The following COL6A6 variants were observed in gnomAD, a reference collection of about 807,000 sequenced individuals.
COL6A6 encodes collagen type VI alpha 6 chain.
In COL6A6, 183 loss-of-function variants were observed where a neutral mutation model predicts 208.6. That is an observed-to-expected ratio of 0.88 (90% CI 0.78 to 0.99). The LOEUF (loss-of-function observed/expected upper bound fraction) is 0.99, where lower values mean the gene tolerates loss of function less well. Ranked by LOEUF, COL6A6 falls within the 50% of genes least tolerant of loss-of-function variation. The pLI is 0.00. For synonymous variants in COL6A6, 973 were observed against 1,011.8 expected, an observed-to-expected ratio of 0.96 and a Z score of 0.73; for missense variants, 2,816 against 2,815.2, an observed-to-expected ratio of 1.00 and a Z score of -0.01.
intron 11 of COL6A6, among the ~76,000 whole-genome samples, chr3:130,588,550 T>G (rs2063595148): frequency 6.6e-6 from 1 of 152,172 alleles, no homozygotes; most frequent in Non-Finnish European, 1.5e-5. Flanking sequence ...ATTGCACGTG[T>G]AAGTTGTGTT....
In COL6A6 at chr3:130,574,090, C is replaced by T. The variant is rs777444690; in HGVS notation, c.3112C>T (p.Arg1038Ter). 2.0e-5 allele frequency: 32 copies of T among 1,613,714 alleles called. No homozygotes were observed. Among genetic ancestry groups the T allele is most frequent in the Non-Finnish European group, 2.7e-5 (32 of 1,179,854 alleles). The change falls in exon 8 of 37, where the codon CGA becomes TGA. Residue 1038 changes from arginine (R) to a stop codon, truncating the protein, a stop_gained. Transcript: ENST00000358511. LOFTEE classifies it high-confidence loss of function. ...QDFDVSLNRV[R>*]IGAAQFSDTY... Reference sequence around the variant, plus strand: ...CTTTGATGTCAGCCTCAACAGAGTGCGAATAGGAGCGGCCCAGTTTAGCGA... The same window carrying T: ...CTTTGATGTCAGCCTCAACAGAGTGTGAATAGGAGCGGCCCAGTTTAGCGA...
At chr3:130,569,823 T>C (rs925440372) in intron 6 of COL6A6, among the ~76,000 whole-genome samples, 8 of 152,338 alleles carry the variant, frequency 5.3e-5, no homozygotes, top group Admixed American at 2.6e-4. Flanking sequence ...TTGATGGCCC[T>C]GTACACATGG....
At position 130,673,342 on chromosome 3, in the gene COL6A6, T is replaced by C. The variant is rs181044777; in HGVS notation, c.6597-1860T>C. Among the ~76,000 whole-genome samples the C allele has an allele frequency of 5.2e-3, 784 of 151,908 alleles. 10 individuals are homozygous for C. Among genetic ancestry groups the C allele is most frequent in the African/African-American group, 0.018 (740 of 41,426 alleles). ...AAAATATTTGAGAGGGGAAAAAATA[T>C]AGCAATATCATGCTATATAAGCACT... On this transcript the variant is annotated intron_variant, in intron 36 of 36. Coordinates refer to ENST00000358511, the MANE Select transcript of COL6A6 (RefSeq NM_001102608.3).
rs1298299514 is a variant in COL6A6, at chr3:130,675,272, A to C, written c.6667A>C (p.Lys2223Gln). 7 of 1,586,206 alleles carry C rather than the reference A, an allele frequency of 4.4e-6. No homozygotes were observed. The highest frequency in any genetic ancestry group is 6.0e-6 in the Non-Finnish European group (7 of 1,164,894). ...ACAGAAGGCAAAATTCTTTCAAGAT[A>C]AAAAATATCTTTCAAGAGTAGCAAG... ...VLQKAKFFQD[K>Q]KYLSRVARSG... The change falls in exon 37 of 37, where the codon AAA becomes CAA. Residue 2223 changes from lysine to glutamine, a missense_variant. Physicochemically the swap from Lys to Gln is moderately conservative, Grantham distance 53. Coordinates refer to ENST00000358511, the MANE Select transcript of COL6A6 (RefSeq NM_001102608.3).
chr3:130,661,590 C>T lies in COL6A6; in HGVS notation c.5831-47C>T, dbSNP rs79090533. On this transcript the variant is annotated intron_variant, in intron 34 of 36. Coordinates refer to ENST00000358511, the MANE Select transcript of COL6A6 (RefSeq NM_001102608.3). ...TCAAAATATTTGACATGCTATCTTCCCTTTTCTATTTCTACTTAGTAACCC... is the reference window on the plus strand; with the variant it reads ...TCAAAATATTTGACATGCTATCTTCTCTTTTCTATTTCTACTTAGTAACCC... 1,090 of 1,458,276 alleles carry T rather than the reference C, an allele frequency of 7.5e-4. 11 individuals are homozygous for T. The African/African-American group carries it at 0.014, about 19-fold the overall frequency. The allele number at this position is 1,458,276 out of a possible 1,614,324, so 90.3% of individuals were successfully genotyped here.
intron 13 of COL6A6, 29 bp from the exon 14 acceptor site, chr3:130,592,512 A>T: frequency 6.5e-7 from 1 of 1,531,694 alleles, no homozygotes; most frequent in Non-Finnish European, 8.9e-7. Context: ...CAATAGAAAA[A>T]GCTCATTTGG....
chr3:130,639,126 C>G lies in COL6A6; in HGVS notation c.5092-2526C>G, dbSNP rs528993424. ...TCGTCCAGCTTTTTGTCTTTTTGCT[C>G]TACTTTCTGGGAGAGTTCGTTGAGT... On this transcript the variant is annotated intron_variant, in intron 28 of 36. Coordinates refer to ENST00000358511, the MANE Select transcript of COL6A6 (RefSeq NM_001102608.3). Among the ~76,000 whole-genome samples the G allele has an allele frequency of 3.3e-5, 5 of 152,108 alleles. No individual in the cohort carries two copies. In the South Asian group the frequency reaches 6.2e-4, roughly 19 times the overall value.
Position 130,565,607 on chromosome 3 carries a change from C to T in COL6A6, c.1275C>T (p.Leu425=). ...TCTTTTCAGAGAGGACTGAAACGCT[C>T]AAATCTGGTAAGGTCTTCTGCTGAA... ...VSVFSERTET[L]KSGCVDTEEA... The change falls in exon 4 of 37, where the codon CTC becomes CTT. Residue 425 remains leucine (L), a synonymous_variant. Transcript: ENST00000358511. 2 of 1,610,118 alleles carry T rather than the reference C, an allele frequency of 1.2e-6. No individual in the cohort carries two copies. The highest frequency in any genetic ancestry group is 1.7e-5 in the Admixed American group (1 of 59,436).
In COL6A6 at chr3:130,610,715, T is replaced by C. The variant is rs186710022; in HGVS notation, c.4815+4T>C. The C allele has an allele frequency of 7.1e-5, 111 of 1,573,110 alleles. 1 individual carries two copies. The African/African-American group carries it at 1.4e-3, about 20-fold the overall frequency. Reference sequence around the variant, plus strand: ...TGTGGGAAGTAAAGGTCCCCAGGTATGTAATGAGAAAAATGATTGCATCTG... The same window carrying C: ...TGTGGGAAGTAAAGGTCCCCAGGTACGTAATGAGAAAAATGATTGCATCTG... On this transcript the variant is annotated splice_donor_region_variant and intron_variant, in intron 23 of 36. Transcript: ENST00000358511.
intron 1 of COL6A6, among the ~76,000 whole-genome samples, chr3:130,542,632 C>G (rs1026142051): frequency 1.3e-5 from 2 of 152,134 alleles, no homozygotes; most frequent in Admixed American, 6.5e-5. Flanking sequence ...TTGAAGTCTT[C>G]AACTATAATA....
chr3:130,606,297 T>C (rs1172208326), intron 20 of COL6A6, among the ~76,000 whole-genome samples: 1 of 152,222 alleles, frequency 6.6e-6, no homozygotes, highest in Non-Finnish European at 1.5e-5. Flanking sequence ...CACTTACATA[T>C]GACAGTGGCA....
Position 130,591,586 on chromosome 3 carries a change from A to G in COL6A6, c.4272+492A>G, listed in dbSNP as rs574520712. 3.2e-4 allele frequency among the ~76,000 whole-genome samples: 49 copies of G among 152,382 alleles called. 1 individual carries two copies. Among genetic ancestry groups the G allele is most frequent in the African/African-American group, 1.2e-3 (48 of 41,594 alleles). ...ATTCATTGGTTCATTCAACAAATAT[A>G]TGTTACATATATGTGTGCCTGGCAG... is the stretch of plus-strand genomic sequence containing the variant. On this transcript the variant is annotated intron_variant, in intron 13 of 36. Coordinates refer to ENST00000358511, the MANE Select transcript of COL6A6 (RefSeq NM_001102608.3).
intron 28 of COL6A6, among the ~76,000 whole-genome samples, chr3:130,636,485 G>T (rs892045439): frequency 6.6e-6 from 1 of 152,242 alleles, no homozygotes; most frequent in East Asian, 1.9e-4. Flanking sequence ...TCTTGATACA[G>T]TGATCATCTT....
At chr3:130,635,657 G>A in intron 27 of COL6A6, 42 bp from the exon 28 acceptor site, 2 of 1,329,862 alleles carry the variant, frequency 1.5e-6, no homozygotes, top group Non-Finnish European at 2.1e-6. Context: ...ATATGTATAT[G>A]TTTGATTTTA....
chr3:130,561,412 G>T (rs1009459447), intron 2 of COL6A6, among the ~76,000 whole-genome samples: 1 of 152,124 alleles, frequency 6.6e-6, no homozygotes, highest in Non-Finnish European at 1.5e-5. Context: ...TTAGATTTGG[G>T]TTATTTAAAA....
At chr3:130,570,347 TAC>T (rs2063132330) in intron 6 of COL6A6, among the ~76,000 whole-genome samples, 1 of 152,220 alleles carries the variant, frequency 6.6e-6, no homozygotes. Flanking sequence ...ATGAAAAATA[TAC>T]AGTGTTGCCA....
intron 7 of COL6A6, among the ~76,000 whole-genome samples, chr3:130,573,692 G>T (rs371433957): frequency 1.3e-5 from 2 of 150,320 alleles, no homozygotes; most frequent in Admixed American, 6.7e-5. Context: ...TCAGGCTCCC[G>T]AGTAGCTGGG....
chr3:130,650,351 G>A (rs980365566), intron 33 of COL6A6, among the ~76,000 whole-genome samples: 3 of 152,186 alleles, frequency 2.0e-5, no homozygotes, highest in Non-Finnish European at 4.4e-5. Context: ...GGCCGGGAGC[G>A]GTGGCTCACG....
At position 130,642,835 on chromosome 3, in the gene COL6A6, G is replaced by A; in HGVS notation, c.5158G>A (p.Val1720Met). The change falls in exon 30 of 37, where the codon GTG (valine) becomes ATG (methionine). Residue 1720 changes from valine to methionine, a missense_variant. Coordinates refer to ENST00000358511, the MANE Select transcript of COL6A6 (RefSeq NM_001102608.3). ...GEPGPPGRKGVKGAKGLASFS... is the reference protein window; with the variant it reads ...GEPGPPGRKGMKGAKGLASFS... ...AATGTTTTGTTTGTTTTCCTAGGGT[G>A]TGAAAGGAGCCAAAGGCTTGGCTTC... 1 of 1,613,808 alleles carries A rather than the reference G, an allele frequency of 6.2e-7. No individual in the cohort carries two copies. Among genetic ancestry groups the A allele is most frequent in the Non-Finnish European group, 8.5e-7 (1 of 1,179,756 alleles).
Sources: allele counts gnomAD v4.1 joint callset (sites outside exome capture counted in the v4.1 genomes callset), GRCh38; gene constraint gnomAD v4.1.1; transcripts MANE v1.5; gene names NCBI Gene and HGNC (gene_info 2026-07-23, HGNC 2026-07-21).